Variants in EPHX4 observed in about 807,000 individuals in gnomAD.
The protein encoded by EPHX4 is epoxide hydrolase 4.
Under a neutral mutation model 44.9 loss-of-function variants are expected in EPHX4, and 31 were observed. The ratio of observed to expected loss-of-function variants is 0.69; its 90% CI spans 0.52 to 0.93. The LOEUF is 0.93. EPHX4 is among the 40% of genes least tolerant of loss of function. The pLI is 0.00. For synonymous variants in EPHX4, 151 were observed against 159.7 expected (o/e 0.95, Z 0.41); for missense variants, 373 against 438.1 (o/e 0.85, Z 1.33).
At chr1:92,030,678 C>T (rs1007659512) in intron 1 of EPHX4, among the ~76,000 whole-genome samples, 1 of 152,002 alleles carries the variant, frequency 6.6e-6, no homozygotes, top group Admixed American at 6.6e-5. Flanking sequence ...CACCCTTTTG[C>T]CCTTTAGAGC....
chr1:92,050,122 T>A (rs1647223210), intron 4 of EPHX4, among the ~76,000 whole-genome samples, 195 bp from the exon 5 acceptor site: 2 of 151,162 alleles, frequency 1.3e-5, no homozygotes, highest in Admixed American at 6.6e-5. Context: ...ATAAAAAAAA[T>A]AATAAAGTGG....
At chr1:92,032,644 A>G (rs1304001825) in intron 2 of EPHX4, 54 bp downstream of exon 2, 2 of 1,434,592 alleles carry the variant, frequency 1.4e-6, no homozygotes, top group Admixed American at 3.4e-5. Context: ...TTATTTTCTC[A>G]GTTCATTTTG....
At chr1:92,032,751 C>A (rs1688380258) in intron 2 of EPHX4, among the ~76,000 whole-genome samples, 161 bp downstream of exon 2, 1 of 152,112 alleles carries the variant, frequency 6.6e-6, no homozygotes, top group African/African-American at 2.4e-5. Flanking sequence ...GATCAAGGTG[C>A]CAACATCTGA....
At chr1:92,051,017 G>T (rs890763996) in intron 5 of EPHX4, among the ~76,000 whole-genome samples, 1 of 151,862 alleles carries the variant, frequency 6.6e-6, no homozygotes, top group African/African-American at 2.4e-5. Flanking sequence ...ATTTTTTGTA[G>T]AGACTGGGTT....
intron 6 of EPHX4, among the ~76,000 whole-genome samples, chr1:92,060,371 C>T (rs948801391): frequency 2.0e-5 from 3 of 150,556 alleles, no homozygotes; most frequent in Non-Finnish European, 4.4e-5. Context: ...CTATGTTGCT[C>T]ACTGCATCAT....
At position 92,063,330 on chromosome 1, in the gene EPHX4, A is replaced by G; in HGVS notation, c.*44A>G. ...GAAGGGTCTGTAATGAAATCTCTAAATAATTTTTAAAAATTGTTCATCAAC... is the reference window on the plus strand; with the variant it reads ...GAAGGGTCTGTAATGAAATCTCTAAGTAATTTTTAAAAATTGTTCATCAAC... On this transcript the variant is annotated 3_prime_UTR_variant, in exon 7 of 7. Coordinates refer to ENST00000370383, the MANE Select transcript of EPHX4 (RefSeq NM_173567.5). 2.2e-6 allele frequency: 3 copies of G among 1,367,248 alleles called. No homozygotes were observed. Among genetic ancestry groups the G allele is most frequent in the Non-Finnish European group, 2.9e-6 (3 of 1,030,930 alleles). 84.7% of individuals were successfully genotyped at this position (1,367,248 alleles called of 1,614,324 possible).
rs1229072295 is a variant in EPHX4 at position 92,063,381 on chromosome 1, CTG to C, written c.*97_*98del. ...TTCTTTATGTTTTATTAGAAAAAAA[CTG>C]TTTTAATGTGCTTTATCATAAATAA... On this transcript the variant is annotated 3_prime_UTR_variant, in exon 7 of 7. Coordinates refer to ENST00000370383, the MANE Select transcript of EPHX4 (RefSeq NM_173567.5). The C allele has an allele frequency of 5.1e-6, 5 of 987,574 alleles. No individual in the cohort carries two copies. Among genetic ancestry groups the C allele is most frequent in the African/African-American group, 3.3e-5 (2 of 61,048 alleles). 61.2% of individuals were successfully genotyped at this position (987,574 alleles called of 1,614,324 possible).
chr1:92,034,323 G>T (rs1207720686), intron 2 of EPHX4, among the ~76,000 whole-genome samples: 3 of 149,674 alleles, frequency 2.0e-5, no homozygotes, highest in Non-Finnish European at 4.4e-5. Context: ...AAAAAAAAGG[G>T]TGGTACATAT....
intron 2 of EPHX4, among the ~76,000 whole-genome samples, chr1:92,033,184 G>A (rs1052535098): frequency 6.6e-6 from 1 of 151,628 alleles, no homozygotes; most frequent in Non-Finnish European, 1.5e-5. Flanking sequence ...TAAAGTGCTG[G>A]GATTACAGAT....
chr1:92,030,410 C>T (rs2101863712), intron 1 of EPHX4, 100 bp downstream of exon 1: 1 of 1,083,982 alleles, frequency 9.2e-7, no homozygotes, highest in Non-Finnish European at 1.3e-6. Flanking sequence ...GCTCAGCGTC[C>T]CCTAGTGTCC....
At chr1:92,040,167 G>C (rs1286388382) in intron 2 of EPHX4, among the ~76,000 whole-genome samples, 2 of 137,626 alleles carry the variant, frequency 1.5e-5, no homozygotes, top group Non-Finnish European at 3.1e-5. Flanking sequence ...TGGTTGATTT[G>C]TTACAATGAT....
chr1:92,036,197 C>T (rs1214331051), intron 2 of EPHX4, among the ~76,000 whole-genome samples: 1 of 152,200 alleles, frequency 6.6e-6, no homozygotes. Context: ...CAGTACTTGG[C>T]CATCCTTATT....
chr1:92,060,596 A>G (rs766224974), intron 6 of EPHX4, among the ~76,000 whole-genome samples: 2 of 152,120 alleles, frequency 1.3e-5, no homozygotes, highest in Admixed American at 1.3e-4. Context: ...TAAAATTTCT[A>G]TGGGAGAATG....
chr1:92,043,585 T>C (rs958894565), intron 3 of EPHX4: 1 of 152,248 alleles, frequency 6.6e-6, no homozygotes, highest in Non-Finnish European at 1.5e-5. Flanking sequence ...TAAAATGTTA[T>C]ACAGATGCAC....
chr1:92,038,605 C>T (rs1247727483), intron 2 of EPHX4, among the ~76,000 whole-genome samples: 1 of 152,058 alleles, frequency 6.6e-6, no homozygotes, highest in Non-Finnish European at 1.5e-5. Context: ...CATACAAGTG[C>T]AAAAGCGTGG....
intron 2 of EPHX4, among the ~76,000 whole-genome samples, chr1:92,033,956 C>CT (rs1438741381): frequency 6.8e-6 from 1 of 146,910 alleles, no homozygotes; most frequent in Non-Finnish European, 1.5e-5. Context: ...ATTGACCCCA[C>CT]TGGGCCAAAT....
At chr1:92,035,766 T>G (rs985721604) in intron 2 of EPHX4, among the ~76,000 whole-genome samples, 3 of 152,084 alleles carry the variant, frequency 2.0e-5, no homozygotes, top group Non-Finnish European at 2.9e-5. Context: ...GCTCTCCCTC[T>G]CCCCACCCCC....
At chr1:92,055,463 A>G (rs1290697527) in intron 6 of EPHX4, among the ~76,000 whole-genome samples, 1 of 152,218 alleles carries the variant, frequency 6.6e-6, no homozygotes, top group Non-Finnish European at 1.5e-5. Flanking sequence ...TCTTTTTTGA[A>G]TAACAAGAAC....
intron 1 of EPHX4, among the ~76,000 whole-genome samples, chr1:92,031,074 G>C (rs1688353029): frequency 6.6e-6 from 1 of 152,162 alleles, no homozygotes; most frequent in African/African-American, 2.4e-5. Context: ...CATAAGAGGG[G>C]ATGTTTATGT....
Sources: gnomAD v4.1 joint callset for allele counts (sites outside exome capture counted in the v4.1 genomes callset) on GRCh38, gnomAD v4.1.1 for gene constraint, MANE v1.5 for transcripts, NCBI Gene and HGNC (gene_info 2026-07-23, HGNC 2026-07-21) for gene names.